RIN2: variants seen among roughly 807,000 people sequenced by gnomAD.
The protein encoded by RIN2 is RAB5 interacting protein 2.
RIN2 carries 36 observed loss-of-function variants against 78.0 expected under a neutral mutation model. The ratio of observed to expected loss-of-function variants is 0.46; its 90% CI spans 0.35 to 0.61. The LOEUF is 0.61. RIN2 is among the 20% of genes least tolerant of loss of function. The pLI is 0.00. For missense variants in RIN2, 1,087 were observed against 1,159.7 expected (o/e 0.94, Z 0.91); for synonymous variants, 466 against 466.8 (o/e 1.00, Z 0.02).
chr20:19,850,200 A>G (rs1224365771), intron 2 of RIN2, among the ~76,000 whole-genome samples: 2 of 152,150 alleles, frequency 1.3e-5, no homozygotes, highest in African/African-American at 4.8e-5. Context: ...ACCTCCCTCC[A>G]TACTTTTTCT....
intron 1 of RIN2, among the ~76,000 whole-genome samples, chr20:19,783,898 G>C (rs565450009): frequency 6.6e-6 from 1 of 152,280 alleles, no homozygotes; most frequent in East Asian, 1.9e-4. Context: ...CATTCCAAGA[G>C]CCAGAGGAAC....
At chr20:19,834,880 G>C (rs767916871) in intron 2 of RIN2, among the ~76,000 whole-genome samples, 1 of 151,498 alleles carries the variant, frequency 6.6e-6, no homozygotes, top group Non-Finnish European at 1.5e-5. Context: ...GGAGGTCAAG[G>C]CTGCAATAAG....
At chr20:19,777,882 A>C (rs2034366908) in intron 1 of RIN2, among the ~76,000 whole-genome samples, 1 of 152,208 alleles carries the variant, frequency 6.6e-6, no homozygotes, top group Non-Finnish European at 1.5e-5. Flanking sequence ...CCAAAATGTA[A>C]TTGAATTTTG....
rs1410027799 is a variant in RIN2 at position 19,923,509 on chromosome 20, G to A, written c.58-11590G>A. ...AAAATAAATATTGGCTGAGAGGTGT[G>A]GTTCACACCTGTAATCCCAGCACTT... On this transcript the variant is annotated intron_variant, in intron 3 of 12. Coordinates refer to ENST00000255006, the MANE Select transcript of RIN2 (RefSeq NM_018993.4). Among the ~76,000 whole-genome samples, 5 of 146,910 alleles carry A rather than the reference G, an allele frequency of 3.4e-5. No individual in the cohort carries two copies. The East Asian group carries it at 9.9e-4, about 29-fold the overall frequency.
At chr20:19,979,656 C>G (rs1032083474) in intron 9 of RIN2, among the ~76,000 whole-genome samples, 10 of 151,792 alleles carry the variant, frequency 6.6e-5, no homozygotes, top group African/African-American at 2.2e-4. Context: ...TAAGCTGGCT[C>G]TAGCTTCAAT....
At chr20:19,776,777 C>A (rs2034327184) in intron 1 of RIN2, among the ~76,000 whole-genome samples, 1 of 151,898 alleles carries the variant, frequency 6.6e-6, no homozygotes, top group Admixed American at 6.6e-5. Context: ...AATCTGCCCA[C>A]AGCCTGGAAA....
intron 2 of RIN2, among the ~76,000 whole-genome samples, chr20:19,807,735 G>A (rs2035451622): frequency 6.6e-6 from 1 of 152,170 alleles, no homozygotes; most frequent in South Asian, 2.1e-4. Flanking sequence ...ATTGATGTGT[G>A]TGTTTTCCTA....
chr20:19,868,974 C>T (rs6112623), intron 2 of RIN2, among the ~76,000 whole-genome samples: 147 of 148,720 alleles, frequency 9.9e-4, no homozygotes, highest in African/African-American at 3.4e-3. Flanking sequence ...TCCAGCTACT[C>T]GGGAGGCAGA....
intron 4 of RIN2, among the ~76,000 whole-genome samples, chr20:19,938,453 A>G (rs1363971688): frequency 2.0e-5 from 3 of 151,712 alleles, no homozygotes; most frequent in African/African-American, 7.3e-5. Context: ...TCAGACCCCT[A>G]GGCTCAAGGG....
intron 1 of RIN2, among the ~76,000 whole-genome samples, chr20:19,784,661 G>A (rs1480012975): frequency 6.6e-6 from 1 of 152,178 alleles, no homozygotes; most frequent in African/African-American, 2.4e-5. Context: ...TTTCCTGTAA[G>A]TAGTGAGAGA....
intron 11 of RIN2, among the ~76,000 whole-genome samples, chr20:19,994,520 C>A (rs1297504197): frequency 1.3e-5 from 2 of 152,222 alleles, no homozygotes; most frequent in Non-Finnish European, 2.9e-5. Context: ...ATTGCATCCA[C>A]ATGTTTCAAA....
chr20:19,770,912 G>A (rs1165171378), intron 1 of RIN2, among the ~76,000 whole-genome samples: 10 of 124,446 alleles, frequency 8.0e-5, no homozygotes, highest in African/African-American at 2.0e-4. Context: ...CGCAAGTCCC[G>A]GCCTCCGGAT....
At chr20:19,992,123 A>G in intron 10 of RIN2, 45 bp from the exon 11 acceptor site, 2 of 1,597,246 alleles carry the variant, frequency 1.3e-6, no homozygotes, top group South Asian at 2.3e-5. Context: ...TGAAAGAAAG[A>G]AAAGTTGGTA....
intron 2 of RIN2, among the ~76,000 whole-genome samples, chr20:19,838,997 C>T (rs1172258658): frequency 2.0e-5 from 3 of 152,120 alleles, no homozygotes; most frequent in Non-Finnish European, 4.4e-5. Context: ...CATGAGTGGA[C>T]CAACCTGATG....
At chr20:19,963,855 C>CTTTTTTTTTT (rs869033357) in intron 6 of RIN2, among the ~76,000 whole-genome samples, 1 of 86,622 alleles carries the variant, frequency 1.2e-5, no homozygotes, top group Non-Finnish European at 2.1e-5. Context: ...CAGTATGTGT[C>CTTTTTTTTTT]TTTTTTTTTT....
At chr20:19,893,799 C>T (rs1382638650) in intron 3 of RIN2, among the ~76,000 whole-genome samples, 2 of 152,150 alleles carry the variant, frequency 1.3e-5, no homozygotes, top group Non-Finnish European at 2.9e-5. Context: ...GAGCCGGGCG[C>T]CATGGCTCAC....
intron 4 of RIN2, among the ~76,000 whole-genome samples, chr20:19,936,221 CAA>C (rs2040637730): frequency 6.6e-6 from 1 of 152,200 alleles, no homozygotes; most frequent in Non-Finnish European, 1.5e-5. Context: ...TCCTTCTCTA[CAA>C]AACGATGGGG....
At chr20:19,856,650 G>A (rs140953471) in intron 2 of RIN2, among the ~76,000 whole-genome samples, 199 of 151,072 alleles carry the variant, frequency 1.3e-3, no homozygotes, top group Middle Eastern at 3.4e-3. Flanking sequence ...GGGAGGGAGG[G>A]AGAGAGATAT....
At chr20:19,836,839 A>G (rs559395046) in intron 2 of RIN2, among the ~76,000 whole-genome samples, 127 of 152,308 alleles carry the variant, frequency 8.3e-4, no homozygotes, top group African/African-American at 3.0e-3. Flanking sequence ...ATTTTCTTAA[A>G]TAAATTTTTG....
Sources: gnomAD v4.1 joint callset for allele counts (sites outside exome capture counted in the v4.1 genomes callset) on GRCh38, gnomAD v4.1.1 for gene constraint, MANE v1.5 for transcripts, NCBI Gene and HGNC (gene_info 2026-07-23, HGNC 2026-07-21) for gene names.